The following DOCK1 variants were observed in gnomAD, a reference collection of about 807,000 sequenced individuals.
The protein encoded by DOCK1 is dedicator of cytokinesis 1, also known as dedicator of cytokinesis protein 1.
DOCK1 carries 138 observed loss-of-function variants against 262.7 expected under a neutral mutation model. The observed-to-expected ratio is 0.53, with a 90% confidence interval of 0.46 to 0.61. The LOEUF is 0.61. DOCK1 is among the 20% of genes least tolerant of loss of function. The pLI, the probability that DOCK1 is intolerant of heterozygous loss-of-function variation, is 0.00. For synonymous variants in DOCK1, 866 were observed against 867.4 expected, an observed-to-expected ratio of 1.00 and a Z score of 0.03; for missense variants, 1,908 against 2,370.7, an observed-to-expected ratio of 0.80 and a Z score of 4.05.
chr10:127,356,544 G>A (rs1464721873), intron 32 of DOCK1, among the ~76,000 whole-genome samples: 1 of 152,144 alleles, frequency 6.6e-6, no homozygotes, highest in Non-Finnish European at 1.5e-5. Flanking sequence ...AGATGCATCT[G>A]TCATTTGCTC....
At chr10:127,138,851 T>A (rs2050947456) in intron 27 of DOCK1, among the ~76,000 whole-genome samples, 1 of 152,236 alleles carries the variant, frequency 6.6e-6, no homozygotes, top group African/African-American at 2.4e-5. Context: ...GCTGTCAACT[T>A]GTCTAGAGCC....
intron 29 of DOCK1, among the ~76,000 whole-genome samples, chr10:127,336,735 T>A (rs913233151): frequency 1.3e-5 from 2 of 152,106 alleles, no homozygotes; most frequent in Non-Finnish European, 2.9e-5. Flanking sequence ...GAAACGGGGT[T>A]TCACTGTGTT....
chr10:126,927,525 C>T (rs2033840131), intron 1 of DOCK1, among the ~76,000 whole-genome samples: 1 of 152,082 alleles, frequency 6.6e-6, no homozygotes, highest in African/African-American at 2.4e-5. Flanking sequence ...CAACCTCCGC[C>T]TCCCGGGTTC....
At chr10:127,418,228 C>T (rs2068276433) in intron 44 of DOCK1, 137 bp from the exon 45 acceptor site, 1 of 952,326 alleles carries the variant, frequency 1.1e-6, no homozygotes, top group Admixed American at 3.1e-5. Flanking sequence ...AAATGCCCAG[C>T]CACCCAAAAA....
chr10:127,447,217 C>A (rs1212905627), intron 50 of DOCK1, among the ~76,000 whole-genome samples, 177 bp from the exon 51 acceptor site: 2 of 152,188 alleles, frequency 1.3e-5, no homozygotes, highest in African/African-American at 2.4e-5. Flanking sequence ...AGGAGAGGGT[C>A]CCACCCTTTG....
chr10:127,052,641 C>T (rs749315567), intron 21 of DOCK1, 40 bp from the exon 22 acceptor site: 1 of 1,612,616 alleles, frequency 6.2e-7, no homozygotes, highest in Non-Finnish European at 8.5e-7. Context: ...AGATATTTTC[C>T]TTTCCTGAGC....
chr10:126,986,042 C>T (rs766513365), intron 4 of DOCK1, among the ~76,000 whole-genome samples: 11 of 152,114 alleles, frequency 7.2e-5, no homozygotes, highest in Middle Eastern at 3.4e-3. Context: ...TTAGTAGAGA[C>T]GGGGTTTCAC....
chr10:127,304,661 G>A (rs1325814937), intron 29 of DOCK1, among the ~76,000 whole-genome samples: 1 of 152,096 alleles, frequency 6.6e-6, no homozygotes, highest in Non-Finnish European at 1.5e-5. Context: ...GAGGTGAGAG[G>A]CTTGCTTGAG....
In DOCK1 at chr10:127,451,714, C is replaced by A; in HGVS notation, c.*287C>A. Reference sequence around the variant, plus strand: ...GGCTCTGAGAGAGTCTGAGTCTTGCCCAAACATTCTTTCTTTTTGTGCCAA... The same window carrying A: ...GGCTCTGAGAGAGTCTGAGTCTTGCACAAACATTCTTTCTTTTTGTGCCAA... On this transcript the variant is annotated 3_prime_UTR_variant, in exon 52 of 52. Transcript: ENST00000623213. The A allele has an allele frequency of 2.0e-6, 1 of 490,218 alleles. No individual in the cohort carries two copies. Among genetic ancestry groups the A allele is most frequent in the Non-Finnish European group, 3.4e-6 (1 of 295,448 alleles). 30.4% of individuals were successfully genotyped at this position (490,218 alleles called of 1,614,324 possible). A position where few individuals can be genotyped will look rare whatever the true frequency, so the allele number is the denominator to read the frequency against.
intron 27 of DOCK1, chr10:127,177,014 C>T (rs146339400): frequency 1.9e-3 from 294 of 152,154 alleles, no homozygotes; most frequent in African/African-American, 6.6e-3. Context: ...AAGGAGAAGT[C>T]GTCGAGGGGT....
chr10:127,082,447 G>C (rs1269254412), intron 23 of DOCK1, among the ~76,000 whole-genome samples: 2 of 152,136 alleles, frequency 1.3e-5, no homozygotes, highest in African/African-American at 4.8e-5. Flanking sequence ...AGTAGCCAAG[G>C]CATGTCTTAC....
intron 13 of DOCK1, among the ~76,000 whole-genome samples, chr10:127,021,655 T>C (rs1010502303): frequency 6.6e-6 from 1 of 152,184 alleles, no homozygotes; most frequent in African/African-American, 2.4e-5. Flanking sequence ...CTGCCCCTCG[T>C]CCTGTGCTCC....
chr10:127,288,475 CT>C (rs888848765), intron 29 of DOCK1, among the ~76,000 whole-genome samples: 3 of 151,652 alleles, frequency 2.0e-5, no homozygotes, highest in Non-Finnish European at 2.9e-5. Flanking sequence ...AATACATTTT[CT>C]TTTTTTTAAT....
intron 46 of DOCK1, among the ~76,000 whole-genome samples, chr10:127,424,218 C>T (rs1370288086): frequency 2.6e-5 from 4 of 152,294 alleles, no homozygotes; most frequent in East Asian, 1.9e-4. Flanking sequence ...AAGGTTATTT[C>T]CCATCAACGT....
intron 47 of DOCK1, among the ~76,000 whole-genome samples, chr10:127,429,041 C>CGTGTGG (rs2069089041): frequency 1.5e-5 from 2 of 137,776 alleles, no homozygotes; most frequent in African/African-American, 2.8e-5. Context: ...ATTGGGGTGT[C>CGTGTGG]ATGTGGATTG....
intron 23 of DOCK1, among the ~76,000 whole-genome samples, chr10:127,082,518 A>G (rs1013750405): frequency 2.0e-5 from 3 of 152,160 alleles, no homozygotes; most frequent in African/African-American, 7.2e-5. Context: ...GTCAGATCAC[A>G]TGAGACTTAT....
intron 1 of DOCK1, among the ~76,000 whole-genome samples, chr10:126,909,768 G>C (rs747881932): frequency 1.3e-5 from 2 of 152,200 alleles, no homozygotes; most frequent in South Asian, 4.1e-4. Flanking sequence ...TTAGCCCTGC[G>C]TTTAAGATAT....
At chr10:127,325,868 A>AT (rs2062726606) in intron 29 of DOCK1, among the ~76,000 whole-genome samples, 1 of 152,206 alleles carries the variant, frequency 6.6e-6, no homozygotes, top group African/African-American at 2.4e-5. Context: ...TATATTCAAG[A>AT]TATTGTGGGT....
At chr10:127,179,497 G>C (rs1013275965) in intron 27 of DOCK1, among the ~76,000 whole-genome samples, 8 of 152,154 alleles carry the variant, frequency 5.3e-5, no homozygotes, top group African/African-American at 1.9e-4. Context: ...TTTTGTGGCT[G>C]GTTTATTTTG....
Sources: gnomAD v4.1 joint callset for allele counts (sites outside exome capture counted in the v4.1 genomes callset) on GRCh38, gnomAD v4.1.1 for gene constraint, MANE v1.5 for transcripts, NCBI Gene and HGNC (gene_info 2026-07-23, HGNC 2026-07-21) for gene names.